Variants in PCDH15 observed in about 807,000 individuals in gnomAD.
PCDH15 encodes protocadherin related 15, also known as protocadherin-15.
In PCDH15, 129 loss-of-function variants were observed where a neutral mutation model predicts 178.5. The observed-to-expected ratio is 0.72, with a 90% confidence interval of 0.63 to 0.84. The LOEUF is 0.84. PCDH15 is among the 40% of genes least tolerant of loss of function. The pLI is 0.00. For synonymous variants in PCDH15, 800 were observed against 732.0 expected, an observed-to-expected ratio of 1.09 and a Z score of -1.50; for missense variants, 2,230 against 2,099.9, an observed-to-expected ratio of 1.06 and a Z score of -1.21.
At chr10:55,075,547 T>C (rs1351268789) in intron 2 of PCDH15, among the ~76,000 whole-genome samples, 1 of 151,764 alleles carries the variant, frequency 6.6e-6, no homozygotes. Flanking sequence ...TGTATTTTAG[T>C]AGAGACGGGG....
intron 2 of PCDH15, among the ~76,000 whole-genome samples, chr10:55,046,062 G>C (rs1169309719): frequency 6.6e-6 from 1 of 152,016 alleles, no homozygotes; most frequent in Non-Finnish European, 1.5e-5. Context: ...GCCAGCCTCT[G>C]TTTACTCCCT....
At chr10:53,976,698 T>TC (rs1273599827) in intron 21 of PCDH15, among the ~76,000 whole-genome samples, 1 of 151,876 alleles carries the variant, frequency 6.6e-6, no homozygotes, top group Non-Finnish European at 1.5e-5. Flanking sequence ...GAGTAGATTT[T>TC]TTTTGTGATT....
At chr10:55,526,972 T>C (rs1397718323) in intron 2 of PCDH15, among the ~76,000 whole-genome samples, 3 of 152,086 alleles carry the variant, frequency 2.0e-5, no homozygotes, top group African/African-American at 7.2e-5. Flanking sequence ...GCCTAGCTGT[T>C]TTTATTATGT....
intron 2 of PCDH15, among the ~76,000 whole-genome samples, chr10:55,358,101 A>G (rs1845124967): frequency 6.6e-6 from 1 of 152,094 alleles, no homozygotes; most frequent in South Asian, 2.1e-4. Flanking sequence ...TGGGTTTATT[A>G]ACAATCATTG....
intron 3 of PCDH15, among the ~76,000 whole-genome samples, chr10:54,893,888 G>T (rs1954506098): frequency 6.6e-6 from 1 of 152,076 alleles, no homozygotes; most frequent in African/African-American, 2.4e-5. Flanking sequence ...TTAAATTCTA[G>T]ATGAGTTACA....
intron 2 of PCDH15, among the ~76,000 whole-genome samples, chr10:54,927,761 A>C (rs1296756423): frequency 6.6e-6 from 1 of 151,770 alleles, no homozygotes; most frequent in Non-Finnish European, 1.5e-5. Context: ...TTGAAACCTT[A>C]TCTGTTTTCT....
chr10:54,574,781 T>C (rs61853647), intron 2 of PCDH15, among the ~76,000 whole-genome samples: 6 of 149,286 alleles, frequency 4.0e-5, no homozygotes, highest in South Asian at 2.2e-4. Context: ...ACCATTTGAC[T>C]CAGCCATCCC....
At chr10:55,338,381 GA>G (rs1844455191) in intron 2 of PCDH15, among the ~76,000 whole-genome samples, 1 of 152,166 alleles carries the variant, frequency 6.6e-6, no homozygotes, top group Non-Finnish European at 1.5e-5. Flanking sequence ...CAATGACCAA[GA>G]TATGGAATCA....
chr10:55,132,938 C>T (rs1213593667), intron 2 of PCDH15, among the ~76,000 whole-genome samples: 4 of 152,128 alleles, frequency 2.6e-5, no homozygotes, highest in African/African-American at 4.8e-5. Flanking sequence ...TCATTGGTTA[C>T]TTGGTTTTAA....
intron 2 of PCDH15, among the ~76,000 whole-genome samples, chr10:54,991,524 C>T (rs188134058): frequency 5.9e-5 from 9 of 152,258 alleles, no homozygotes; most frequent in Admixed American, 4.6e-4. Flanking sequence ...TAATTTTATA[C>T]ACACAGGGTC....
chr10:55,322,396 C>T (rs1398085779), upstream of PCDH15, among the ~76,000 whole-genome samples: 1 of 152,216 alleles, frequency 6.6e-6, no homozygotes, highest in East Asian at 1.9e-4. Flanking sequence ...TAGTGGGGCA[C>T]TGCTGTAAAG....
At chr10:53,837,209 G>GA (rs2077359485) in intron 29 of PCDH15, among the ~76,000 whole-genome samples, 1 of 151,508 alleles carries the variant, frequency 6.6e-6, no homozygotes. Context: ...AGAAATATTA[G>GA]AAAAAATGTC....
intron 2 of PCDH15, among the ~76,000 whole-genome samples, chr10:54,917,064 T>A (rs1837355135): frequency 6.6e-6 from 1 of 151,876 alleles, no homozygotes; most frequent in Non-Finnish European, 1.5e-5. Flanking sequence ...GATGGAAGAG[T>A]GTTGAATAGC....
chr10:54,983,968 T>C (rs1446003971), intron 2 of PCDH15, among the ~76,000 whole-genome samples: 1 of 152,098 alleles, frequency 6.6e-6, no homozygotes, highest in Non-Finnish European at 1.5e-5. Flanking sequence ...TATATATGGA[T>C]TTCTGGAATT....
intron 28 of PCDH15, among the ~76,000 whole-genome samples, chr10:53,850,203 G>A (rs1389031624): frequency 1.3e-5 from 2 of 151,898 alleles, no homozygotes; most frequent in African/African-American, 2.4e-5. Flanking sequence ...CTAAAGTTTT[G>A]GAAACAATTA....
At position 55,004,138 on chromosome 10, in the gene PCDH15, G is replaced by C. The variant is rs570121860; in HGVS notation, c.-79-106638C>G. Among the ~76,000 whole-genome samples, 4 of 152,280 alleles carry C rather than the reference G, an allele frequency of 2.6e-5. No homozygotes were observed. The South Asian group carries it at 8.3e-4, about 32-fold the overall frequency. ...GTTTATCCAGCTGTGATTTGTCTTT[G>C]GTGGAAGTGGGGGAATGGAGAGAGA... On this transcript the variant is annotated intron_variant, in intron 2 of 5. Transcript: ENST00000458638.
At position 54,421,887 on chromosome 10, in the gene PCDH15, CACACACACTA is replaced by C. The variant is rs1273982087; in HGVS notation, c.158-42955_158-42946del. Reference sequence around the variant, plus strand: ...TACACACACTATATATATATATACACACACACACTATATATATATATACACTATATATATA... The same window carrying C: ...TACACACACTATATATATATATACACTATATATATATACACTATATATATA... On this transcript the variant is annotated intron_variant, in intron 3 of 37. Coordinates refer to ENST00000644397, the MANE Select transcript of PCDH15 (RefSeq NM_001384140.1). Among the ~76,000 whole-genome samples, 22 of 88,010 alleles carry C rather than the reference CACACACACTA, an allele frequency of 2.5e-4. 1 individual carries two copies. The highest frequency in any genetic ancestry group is 9.7e-4 in the Admixed American group (9 of 9,234). The allele number at this position is 88,010 out of a possible 152,430, so 57.7% of individuals were successfully genotyped here.
At position 54,397,700 on chromosome 10, in the gene PCDH15, T is replaced by A. The variant is rs187488991; in HGVS notation, c.158-18758A>T. Among the ~76,000 whole-genome samples the A allele has an allele frequency of 1.2e-3, 185 of 152,124 alleles. 1 individual carries two copies. Among genetic ancestry groups the A allele is most frequent in the African/African-American group, 4.3e-3 (179 of 41,550 alleles). On this transcript the variant is annotated intron_variant, in intron 3 of 37. Coordinates refer to ENST00000644397, the MANE Select transcript of PCDH15 (RefSeq NM_001384140.1). ...CACTAAATGGCAAAGGTATAAATAA[T>A]CATAATAACAACTTTTGTGGTGATA...
intron 1 of PCDH15, among the ~76,000 whole-genome samples, chr10:55,293,775 T>C (rs1366834712): frequency 6.6e-6 from 1 of 152,162 alleles, no homozygotes; most frequent in Admixed American, 6.5e-5. Flanking sequence ...ATTGTCCATA[T>C]CATTTTCAGC....
Sources: gnomAD v4.1 joint callset for allele counts (sites outside exome capture counted in the v4.1 genomes callset) on GRCh38, gnomAD v4.1.1 for gene constraint, MANE v1.5 for transcripts, NCBI Gene and HGNC (gene_info 2026-07-23, HGNC 2026-07-21) for gene names.